The following RORA variants were observed in gnomAD, a reference collection of about 807,000 sequenced individuals.
The protein encoded by RORA is nuclear receptor ROR-alpha.
Under a neutral mutation model 69.5 loss-of-function variants are expected in RORA, and 7 were observed. That is an observed-to-expected ratio of 0.10 (90% confidence interval 0.06 to 0.19). The LOEUF (loss-of-function observed/expected upper bound fraction) is 0.19, where lower values mean the gene tolerates loss of function less well. RORA is among the 10% of genes least tolerant of loss of function. The probability of loss-of-function intolerance (pLI) is 1.00; values close to 1 mark genes in which losing one functional copy is unlikely to be tolerated. For missense variants in RORA, 457 were observed against 663.0 expected (o/e 0.69, Z 3.41); for synonymous variants, 261 against 240.8 (o/e 1.08, Z -0.78).
chr15:60,943,916 CAAA>C (rs545168599), intron 1 of RORA, among the ~76,000 whole-genome samples: 119 of 32,356 alleles, frequency 3.7e-3, no homozygotes, highest in African/African-American at 8.6e-3. Flanking sequence ...ACTCCATCTC[CAAA>C]AAAAAAAAAA....
chr15:60,670,702 T>C (rs1270690065), intron 2 of RORA, among the ~76,000 whole-genome samples: 1 of 152,168 alleles, frequency 6.6e-6, no homozygotes, highest in Non-Finnish European at 1.5e-5. Context: ...ATTTTGGCAG[T>C]CAAAGGAAAA....
intron 1 of RORA, among the ~76,000 whole-genome samples, chr15:60,859,068 G>T (rs2073410492): frequency 6.6e-6 from 1 of 151,490 alleles, no homozygotes; most frequent in Non-Finnish European, 1.5e-5. Context: ...GCTTACATTT[G>T]GTTTCTCTTT....
At chr15:61,167,531 A>ATTT (rs2079549235) in intron 1 of RORA, among the ~76,000 whole-genome samples, 1 of 130,088 alleles carries the variant, frequency 7.7e-6, no homozygotes, top group South Asian at 2.4e-4. Flanking sequence ...TTATGAAGAA[A>ATTT]TTTCTCTACA....
intron 1 of RORA, among the ~76,000 whole-genome samples, chr15:60,959,955 C>G (rs1252332068): frequency 6.6e-6 from 1 of 152,104 alleles, no homozygotes; most frequent in East Asian, 1.9e-4. Context: ...TGCGGGCTTG[C>G]CATGCAAGAG....
At chr15:60,578,071 A>G (rs1185136751) in intron 2 of RORA, among the ~76,000 whole-genome samples, 1 of 152,214 alleles carries the variant, frequency 6.6e-6, no homozygotes, top group Non-Finnish European at 1.5e-5. Context: ...CTAAAACTCA[A>G]CAAGTGGTAG....
At chr15:61,021,355 T>A (rs918643181) in intron 1 of RORA, among the ~76,000 whole-genome samples, 1 of 152,198 alleles carries the variant, frequency 6.6e-6, no homozygotes, top group Admixed American at 6.5e-5. Context: ...TATCACTGCC[T>A]AAACTTAGAA....
At chr15:60,507,230 C>T (rs549508555) in intron 5 of RORA, among the ~76,000 whole-genome samples, 16 of 152,224 alleles carry the variant, frequency 1.1e-4, no homozygotes, top group African/African-American at 3.9e-4. Flanking sequence ...AAAAAATGAT[C>T]CCTCTCCCTA....
chr15:61,015,585 C>T (rs1895252507), intron 1 of RORA, among the ~76,000 whole-genome samples: 2 of 152,080 alleles, frequency 1.3e-5, no homozygotes, highest in Admixed American at 6.5e-5. Flanking sequence ...GTAGAAGACG[C>T]TGTATTGAGA....
intron 1 of RORA, among the ~76,000 whole-genome samples, chr15:61,018,730 T>C (rs1444394327): frequency 6.6e-6 from 1 of 152,204 alleles, no homozygotes; most frequent in African/African-American, 2.4e-5. Context: ...AGAGCAATCA[T>C]ACATATAACA....
rs558063414 is a variant in RORA at position 61,128,338 on chromosome 15, G to GA, written c.166+100714dup. On this transcript the variant is annotated intron_variant, in intron 1 of 10. Coordinates refer to ENST00000335670, the MANE Select transcript of RORA (RefSeq NM_134261.3). The surrounding 1 kb of genome is among the most constrained non-coding windows in gnomAD (Gnocchi z 4.5). Reference sequence around the variant, plus strand: ...ATTTTTTAAACTGCAAATACAGAAAGAAAAAAAAAATCTAAACAGTATATA... The same window carrying GA: ...ATTTTTTAAACTGCAAATACAGAAAGAAAAAAAAAAATCTAAACAGTATATA... Among the ~76,000 whole-genome samples, 10 of 148,442 alleles carry GA rather than the reference G, an allele frequency of 6.7e-5. No individual in the cohort carries two copies. The highest frequency in any genetic ancestry group is 2.2e-4 in the African/African-American group (9 of 40,502).
intron 2 of RORA, among the ~76,000 whole-genome samples, chr15:60,560,062 T>C (rs1459231353): frequency 1.3e-5 from 2 of 151,974 alleles, no homozygotes; most frequent in Admixed American, 6.5e-5. Context: ...AACCAATCAT[T>C]GTAGCCCATA....
intron 1 of RORA, among the ~76,000 whole-genome samples, chr15:60,972,735 A>G (rs1893755421): frequency 6.6e-6 from 1 of 152,142 alleles, no homozygotes; most frequent in Admixed American, 6.5e-5. Flanking sequence ...TCATCTATCA[A>G]ATGGAAATAA....
At chr15:60,980,383 T>C (rs1894010445) in intron 1 of RORA, among the ~76,000 whole-genome samples, 1 of 152,188 alleles carries the variant, frequency 6.6e-6, no homozygotes. Flanking sequence ...ATCAGGGTAA[T>C]ACTGACCTCA....
intron 2 of RORA, chr15:60,592,431 C>T: frequency 7.0e-7 from 1 of 1,429,154 alleles, no homozygotes. Flanking sequence ...AGCCGCGGTG[C>T]GGAGAGCGCA....
chr15:60,651,739 A>G (rs1280415250), intron 2 of RORA, among the ~76,000 whole-genome samples: 1 of 152,124 alleles, frequency 6.6e-6, no homozygotes, highest in Non-Finnish European at 1.5e-5. Context: ...AGTTAGTACA[A>G]CATGTCCATA....
At chr15:61,011,270 T>C (rs934264470) in intron 1 of RORA, among the ~76,000 whole-genome samples, 2 of 152,222 alleles carry the variant, frequency 1.3e-5, no homozygotes, top group Non-Finnish European at 2.9e-5. Flanking sequence ...AGATCCATTA[T>C]CTCATCACTC....
At chr15:61,190,125 T>G (rs1462283307) in intron 1 of RORA, among the ~76,000 whole-genome samples, 2 of 152,092 alleles carry the variant, frequency 1.3e-5, no homozygotes, top group Non-Finnish European at 2.9e-5. Context: ...GTGAGGCTAA[T>G]TCTCATGCTT....
At chr15:60,695,610 C>G (rs1291158685) in intron 1 of RORA, among the ~76,000 whole-genome samples, 1 of 152,012 alleles carries the variant, frequency 6.6e-6, no homozygotes, top group African/African-American at 2.4e-5. Flanking sequence ...GGTAACAGAA[C>G]AAAGAAAACA....
At position 60,985,570 on chromosome 15, in the gene RORA, G is replaced by T. The variant is rs188135786; in HGVS notation, c.166+243483C>A. ...GAAAAATTAATCTTGTGCTAGGTAAGAAACTCATCCTCTTTTTTTTTTTTT... is the reference window on the plus strand; with the variant it reads ...GAAAAATTAATCTTGTGCTAGGTAATAAACTCATCCTCTTTTTTTTTTTTT... On this transcript the variant is annotated intron_variant, in intron 1 of 10. Transcript: ENST00000335670. Among the ~76,000 whole-genome samples, 811 of 141,708 alleles carry T rather than the reference G, an allele frequency of 5.7e-3. 11 individuals carry two copies. The highest frequency in any genetic ancestry group is 0.02 in the African/African-American group (776 of 38,338). 93.0% of individuals were successfully genotyped at this position (141,708 alleles called of 152,430 possible). A position where few individuals can be genotyped will look rare whatever the true frequency, so the allele number is the denominator to read the frequency against.
Sources: gnomAD v4.1 joint callset for allele counts (sites outside exome capture counted in the v4.1 genomes callset) on GRCh38, gnomAD v4.1.1 for gene constraint, Gnocchi (gnomAD v3.1) non-coding constraint, MANE v1.5 for transcripts, NCBI Gene and HGNC (gene_info 2026-07-23, HGNC 2026-07-21) for gene names.